Variants in FGF13 observed in about 807,000 individuals in gnomAD.
FGF13 encodes the protein fibroblast growth factor 13.
Under a neutral mutation model 19.5 loss-of-function variants are expected in FGF13, and 2 were observed. The observed-to-expected ratio is 0.10, with a 90% CI of 0.04 to 0.32. The LOEUF is 0.32. Ranked by LOEUF, FGF13 falls within the 10% of genes least tolerant of loss-of-function variation. FGF13 has a pLI of 1.00. For missense variants in FGF13, 113 were observed against 192.7 expected, an observed-to-expected ratio of 0.59 and a Z score of 2.45; for synonymous variants, 72 against 76.9, an observed-to-expected ratio of 0.94 and a Z score of 0.33.
intron 1 of FGF13, among the ~76,000 whole-genome samples, chrX:138,953,442 G>T (rs779529725): frequency 2.7e-5 from 3 of 110,579 alleles, no homozygotes; most frequent in South Asian, 4.0e-4. Context: ...GTGGGTGGAG[G>T]GGGGAGGGAT....
downstream of FGF13, among the ~76,000 whole-genome samples, chrX:138,857,112 A>C (rs1051245609): frequency 8.9e-6 from 1 of 111,847 alleles, no homozygotes; most frequent in Non-Finnish European, 1.9e-5. Context: ...AGAGTTGAAA[A>C]TTTTTGAAAC....
intron 1 of FGF13, among the ~76,000 whole-genome samples, chrX:138,938,614 G>T (rs917364245): frequency 2.7e-5 from 3 of 111,060 alleles, no homozygotes; most frequent in African/African-American, 9.8e-5. Flanking sequence ...TTAGCCCCTG[G>T]CATAGTCTCA....
chrX:138,938,289 C>T (rs2091741795), intron 1 of FGF13, among the ~76,000 whole-genome samples: 1 of 111,224 alleles, frequency 9.0e-6, no homozygotes, highest in Non-Finnish European at 1.9e-5. Context: ...AGAGCAGTCT[C>T]AATGGAGGGA....
At chrX:138,926,037 C>T (rs976617191) in intron 1 of FGF13, among the ~76,000 whole-genome samples, 2 of 111,392 alleles carry the variant, frequency 1.8e-5, no homozygotes, top group Admixed American at 9.5e-5. Flanking sequence ...CTGCCCAGGA[C>T]CCTCTAAACT....
intron 3 of FGF13, among the ~76,000 whole-genome samples, chrX:138,830,687 T>TTTTGTGTG: frequency 1.1e-5 from 1 of 87,518 alleles, no homozygotes; most frequent in South Asian, 6.8e-4. Flanking sequence ...AAAGGGGTGT[T>TTTTGTGTG]TGTGTGTGTG....
In FGF13 at chrX:139,044,488, C is replaced by T. The variant is rs899839630; in HGVS notation, c.-113+158928G>A. ...CATGATCTATACACCCACCAGGTCC[C>T]GTCTCCAGCATTAGGGCTTACAATT... On this transcript the variant is annotated intron_variant, in intron 1 of 2. Coordinates refer to the FGF13 transcript ENST00000421460. Among the ~76,000 whole-genome samples, 9 of 111,493 alleles carry T rather than the reference C, an allele frequency of 8.1e-5. No homozygotes were observed. In the East Asian group the frequency reaches 2.3e-3, roughly 28 times the overall value.
At chrX:138,640,043 A>G (rs2089232277) in intron 3 of FGF13, among the ~76,000 whole-genome samples, 1 of 111,292 alleles carries the variant, frequency 9.0e-6, no homozygotes, top group Non-Finnish European at 1.9e-5. Flanking sequence ...TATAATGATA[A>G]TATTTTGGAT....
At chrX:138,925,578 C>A (rs1445584236) in intron 1 of FGF13, among the ~76,000 whole-genome samples, 2 of 111,564 alleles carry the variant, frequency 1.8e-5, no homozygotes, top group South Asian at 3.8e-4. Flanking sequence ...CAAACACAAG[C>A]GTATGACTCA....
intron 1 of FGF13, among the ~76,000 whole-genome samples, chrX:138,869,256 AC>A (rs777741337): frequency 5.4e-5 from 6 of 112,044 alleles, no homozygotes; most frequent in African/African-American, 1.9e-4. Flanking sequence ...ATCTTGACTG[AC>A]CTTTTGGCAA....
chrX:138,646,852 G>C (rs11797138), intron 3 of FGF13, among the ~76,000 whole-genome samples: 17,138 of 111,189 alleles, frequency 0.15, 954 homozygotes, highest in South Asian at 0.24. Flanking sequence ...GAGAGAGACA[G>C]AGCGAAACAC....
intron 1 of FGF13, among the ~76,000 whole-genome samples, chrX:138,897,978 T>G (rs2124205099): frequency 9.0e-6 from 1 of 111,386 alleles, no homozygotes; most frequent in Admixed American, 9.6e-5. Flanking sequence ...CTCTCAGGCT[T>G]TCAGTAGCAC....
intron 1 of FGF13, among the ~76,000 whole-genome samples, chrX:139,034,106 T>C (rs2092242045): frequency 9.0e-6 from 1 of 111,593 alleles, no homozygotes; most frequent in Non-Finnish European, 1.9e-5. Flanking sequence ...AACCTTATAA[T>C]AACAACAGCA....
chrX:138,659,031 C>A (rs188290799), intron 3 of FGF13, among the ~76,000 whole-genome samples: 1 of 111,862 alleles, frequency 8.9e-6, no homozygotes, highest in African/African-American at 3.2e-5. Context: ...CTTACATAAT[C>A]TTGAAAGTTG....
At chrX:138,677,623 A>T (rs1345357041) in intron 3 of FGF13, among the ~76,000 whole-genome samples, 3 of 111,401 alleles carry the variant, frequency 2.7e-5, no homozygotes, top group Non-Finnish European at 5.7e-5. Flanking sequence ...TCAAAACCAC[A>T]ATGAGATACC....
At chrX:138,657,805 T>A (rs1209189046) in intron 3 of FGF13, among the ~76,000 whole-genome samples, 1 of 112,075 alleles carries the variant, frequency 8.9e-6, no homozygotes, top group East Asian at 2.8e-4. Flanking sequence ...CAATTCCCAG[T>A]ATGATTACTA....
intron 3 of FGF13, among the ~76,000 whole-genome samples, chrX:138,660,838 T>C (rs909103669): frequency 7.2e-5 from 8 of 111,849 alleles, no homozygotes; most frequent in African/African-American, 2.6e-4. Context: ...ATGTAAGATG[T>C]ACTTCATTTT....
chrX:138,942,929 C>T (rs1041156012), intron 1 of FGF13, among the ~76,000 whole-genome samples: 3 of 110,985 alleles, frequency 2.7e-5, no homozygotes, highest in African/African-American at 6.6e-5. Flanking sequence ...TTTACAAGAC[C>T]GAAAAATTTT....
At chrX:138,947,088 T>A (rs139438377) in intron 1 of FGF13, among the ~76,000 whole-genome samples, 1,194 of 111,865 alleles carry the variant, frequency 0.011, 7 homozygotes, top group Non-Finnish European at 0.017. Context: ...TTTTTCAATG[T>A]ATAATTAATC....
chrX:139,095,377 C>G lies in FGF13; in HGVS notation c.-113+108039G>C, dbSNP rs149332339. ...AGATCAATCAGCAGAGATGAGGTCA[C>G]TTTTGACCACTAAAATAAATACCTG... is the stretch of plus-strand genomic sequence containing the variant. On this transcript the variant is annotated intron_variant, in intron 1 of 2. Coordinates refer to the FGF13 transcript ENST00000421460. Among the ~76,000 whole-genome samples the G allele has an allele frequency of 8.0e-3, 900 of 111,995 alleles. 9 individuals are homozygous for G. The highest frequency in any genetic ancestry group is 0.027 in the African/African-American group (839 of 30,838).
Sources: allele counts gnomAD v4.1 joint callset (sites outside exome capture counted in the v4.1 genomes callset), GRCh38; gene constraint gnomAD v4.1.1; transcripts MANE v1.5; gene names NCBI Gene and HGNC (gene_info 2026-07-23, HGNC 2026-07-21).